MROH9: variants seen among roughly 807,000 people sequenced by gnomAD.
MROH9 encodes the protein maestro heat like repeat family member 9, also known as maestro heat-like repeat-containing protein family member 9.
MROH9 carries 92 observed loss-of-function variants against 98.2 expected under a neutral mutation model. That is an observed-to-expected ratio of 0.94 (90% CI 0.79 to 1.11). MROH9 has a LOEUF of 1.11. Among genes scored for constraint, MROH9 ranks in the 50% most tolerant of loss-of-function variants. The pLI is 0.00. For synonymous variants in MROH9, 397 were observed against 368.9 expected (o/e 1.08, Z -0.87); for missense variants, 1,057 against 1,014.8 (o/e 1.04, Z -0.57).
Position 170,959,512 on chromosome 1 carries a change from C to A in MROH9, c.203C>A (p.Ser68Ter). The A allele has an allele frequency of 6.2e-7, 1 of 1,613,498 alleles. No homozygotes were observed. Among genetic ancestry groups the A allele is most frequent in the South Asian group, 1.1e-5 (1 of 90,906 alleles). The change falls in exon 5 of 22, where the codon TCA (serine) becomes TAA (stop). Residue 68 changes from serine (S) to a stop codon, truncating the protein, a stop_gained. Coordinates refer to ENST00000367759, the MANE Select transcript of MROH9 (RefSeq NM_001163629.2). LOFTEE classifies it high-confidence loss of function. ...QFESQLKIIE[S>*]SFGMLVVMPS... ...GAATCTCAGTTGAAGATAATAGAGT[C>A]ATCCTTTGGAATGCTAGTTGTCATG...
chr1:171,029,585 A>AT (rs1652838897), intron 20 of MROH9, among the ~76,000 whole-genome samples: 1 of 152,056 alleles, frequency 6.6e-6, no homozygotes, highest in East Asian at 1.9e-4. Context: ...GTTTAATGTG[A>AT]TGGATTATGT....
intron 20 of MROH9, among the ~76,000 whole-genome samples, chr1:171,044,538 T>C (rs1282928139): frequency 2.6e-5 from 4 of 152,218 alleles, no homozygotes; most frequent in Non-Finnish European, 4.4e-5. Flanking sequence ...TTAAGATTTG[T>C]ATTCATTCTT....
chr1:170,967,973 T>C, intron 7 of MROH9, among the ~76,000 whole-genome samples: 1 of 152,290 alleles, frequency 6.6e-6, no homozygotes, highest in Non-Finnish European at 1.5e-5. Flanking sequence ...TAATAAAATA[T>C]TTTAAAAGTA....
At chr1:171,063,868 T>C (rs139323870) in intron 21 of MROH9, among the ~76,000 whole-genome samples, 109 of 152,330 alleles carry the variant, frequency 7.2e-4, no homozygotes, top group Middle Eastern at 3.4e-3. Context: ...TGGTAATTTT[T>C]AGTGAATATT....
At chr1:170,964,872 GA>G (rs1650170113) in intron 6 of MROH9, among the ~76,000 whole-genome samples, 2 of 152,056 alleles carry the variant, frequency 1.3e-5, no homozygotes, top group South Asian at 4.1e-4. Context: ...GCTTCGTACT[GA>G]ACTATTCATG....
At chr1:171,012,449 T>A (rs1449183531) in intron 15 of MROH9, among the ~76,000 whole-genome samples, 1 of 151,868 alleles carries the variant, frequency 6.6e-6, no homozygotes, top group Non-Finnish European at 1.5e-5. Flanking sequence ...GTACCTGATC[T>A]AAGGATATTT....
chr1:170,958,551 C>T lies in MROH9; in HGVS notation c.152+11C>T, dbSNP rs201714820. 2.0e-4 allele frequency: 313 copies of T among 1,528,618 alleles called. 1 individual carries two copies. In the Middle Eastern group the frequency reaches 3.1e-3, roughly 15 times the overall value. 94.7% of individuals were successfully genotyped at this position (1,528,618 alleles called of 1,614,324 possible). A position where few individuals can be genotyped will look rare whatever the true frequency, so the allele number is the denominator to read the frequency against. ...GGCTGTGAACTCCAGGTATGATAAG[C>T]TATCATGCTCTTTTATTTCACTAAT... On this transcript the variant is annotated intron_variant, in intron 4 of 21. Transcript: ENST00000367759.
chr1:171,004,420 C>T (rs1378508501), intron 15 of MROH9, among the ~76,000 whole-genome samples: 1 of 126,492 alleles, frequency 7.9e-6, no homozygotes, highest in African/African-American at 2.6e-5. Context: ...CTCCCAGGGC[C>T]TTTCTGCTGC....
At chr1:171,050,256 G>A (rs1401039352) in intron 20 of MROH9, among the ~76,000 whole-genome samples, 1 of 152,026 alleles carries the variant, frequency 6.6e-6, no homozygotes, top group Non-Finnish European at 1.5e-5. Flanking sequence ...TAATTTTATG[G>A]TTTTGGGTCT....
chr1:171,016,926 T>A (rs983263332), intron 17 of MROH9, among the ~76,000 whole-genome samples: 1 of 152,212 alleles, frequency 6.6e-6, no homozygotes, highest in Admixed American at 6.5e-5. Flanking sequence ...GGGGAATCTA[T>A]GTATTTTTAA....
At chr1:170,975,521 A>C (rs745939319) in intron 8 of MROH9, among the ~76,000 whole-genome samples, 11 of 152,144 alleles carry the variant, frequency 7.2e-5, no homozygotes, top group Non-Finnish European at 1.2e-4. Flanking sequence ...CATGTTACCC[A>C]TTAGGTCCTT....
In MROH9 at chr1:170,965,115, T is replaced by A. The variant is rs751005252; in HGVS notation, c.376-36T>A. ...GGAAAGGTTCTTGGAAAATGGAAAT[T>A]TCATGGTTCTAGGATGACTTTTATG... On this transcript the variant is annotated intron_variant, in intron 6 of 21. Coordinates refer to ENST00000367759, the MANE Select transcript of MROH9 (RefSeq NM_001163629.2). The A allele has an allele frequency of 2.0e-6, 3 of 1,484,008 alleles. No homozygotes were observed. In the South Asian group the frequency reaches 3.6e-5, roughly 18 times the overall value. The allele number at this position is 1,484,008 out of a possible 1,614,324, so 91.9% of individuals were successfully genotyped here. A position where few individuals can be genotyped will look rare whatever the true frequency, so the allele number is the denominator to read the frequency against.
rs1422521917 is a variant in MROH9, at chr1:171,041,414, C to T, written c.2281+15994C>T. On this transcript the variant is annotated intron_variant, in intron 20 of 21. Transcript: ENST00000367759. ...ATGTATTGGTCAAGATACATACACA[C>T]ACACACACACACACACACACACATA... Among the ~76,000 whole-genome samples, 8 of 127,108 alleles carry T rather than the reference C, an allele frequency of 6.3e-5. 1 individual carries two copies. Among genetic ancestry groups the T allele is most frequent in the African/African-American group, 1.3e-4 (4 of 30,068 alleles). The allele number at this position is 127,108 out of a possible 152,430, so 83.4% of individuals were successfully genotyped here.
intron 3 of MROH9, among the ~76,000 whole-genome samples, chr1:170,957,626 T>A (rs1048886558): frequency 1.8e-4 from 27 of 152,100 alleles, no homozygotes; most frequent in Non-Finnish European, 2.8e-4. Context: ...CTTAAGATTG[T>A]TTTGGCTATT....
chr1:171,035,837 C>G (rs913079408), intron 20 of MROH9, among the ~76,000 whole-genome samples: 4 of 152,062 alleles, frequency 2.6e-5, no homozygotes, highest in African/African-American at 9.7e-5. Flanking sequence ...ATTCTTAAAC[C>G]ACTTTGGAAA....
At chr1:171,040,927 C>T (rs968823130) in intron 20 of MROH9, among the ~76,000 whole-genome samples, 6 of 152,014 alleles carry the variant, frequency 3.9e-5, no homozygotes, top group African/African-American at 1.4e-4. Flanking sequence ...TGTTTATCCA[C>T]TGAAATGAAG....
At chr1:170,958,125 A>G (rs1437357550) in intron 3 of MROH9, among the ~76,000 whole-genome samples, 5 of 152,024 alleles carry the variant, frequency 3.3e-5, no homozygotes, top group African/African-American at 1.2e-4. Flanking sequence ...GCATTTTTAT[A>G]GGTAGACTCC....
chr1:170,940,982 G>A (rs545645841), intron 1 of MROH9, among the ~76,000 whole-genome samples: 40 of 152,240 alleles, frequency 2.6e-4, no homozygotes, highest in African/African-American at 8.9e-4. Flanking sequence ...TTCCAGAACT[G>A]AGGAAATAAC....
chr1:171,035,738 C>T (rs1207336379), intron 20 of MROH9, among the ~76,000 whole-genome samples: 3 of 152,122 alleles, frequency 2.0e-5, no homozygotes, highest in African/African-American at 7.2e-5. Flanking sequence ...ATACATCCAA[C>T]ATAAAGTGTA....
Sources: allele counts gnomAD v4.1 joint callset (sites outside exome capture counted in the v4.1 genomes callset), GRCh38; gene constraint gnomAD v4.1.1; transcripts MANE v1.5; gene names NCBI Gene and HGNC (gene_info 2026-07-23, HGNC 2026-07-21).